Variants in EYS observed in about 807,000 individuals in gnomAD.
EYS encodes the protein EGF-like photoreceptor maintenance factor, also known as protein eyes shut homolog.
EYS carries 250 observed loss-of-function variants against 282.1 expected under a neutral mutation model. The observed-to-expected ratio is 0.89, with a 90% CI of 0.80 to 0.98. The LOEUF is 0.98. Ranked by LOEUF, EYS falls within the 50% of genes least tolerant of loss-of-function variation. EYS has a pLI of 0.00. For synonymous variants in EYS, 1,355 were observed against 1,282.9 expected, an observed-to-expected ratio of 1.06 and a Z score of -1.20; for missense variants, 4,016 against 3,709.0, an observed-to-expected ratio of 1.08 and a Z score of -2.15.
At chr6:64,149,419 T>C (rs1774627579) in intron 31 of EYS, among the ~76,000 whole-genome samples, 1 of 152,150 alleles carries the variant, frequency 6.6e-6, no homozygotes, top group South Asian at 2.1e-4. Flanking sequence ...GTCATGTATT[T>C]TATATAGAGC....
intron 12 of EYS, among the ~76,000 whole-genome samples, chr6:65,153,756 TA>T: frequency 6.6e-6 from 1 of 151,952 alleles, no homozygotes; most frequent in East Asian, 2.0e-4. Flanking sequence ...TGGATTTCTT[TA>T]AGCAGAATAT....
In EYS at chr6:65,537,531, T is replaced by A. The variant is rs199902274; in HGVS notation, c.-332-41538A>T. Among the ~76,000 whole-genome samples the A allele has an allele frequency of 4.5e-5, 4 of 88,890 alleles. No individual in the cohort carries two copies. In the South Asian group the frequency reaches 2.2e-3, roughly 49 times the overall value. 58.3% of individuals were successfully genotyped at this position (88,890 alleles called of 152,430 possible). A position where few individuals can be genotyped will look rare whatever the true frequency, so the allele number is the denominator to read the frequency against. On this transcript the variant is annotated intron_variant, in intron 2 of 42. Transcript: ENST00000503581. ...TATATATAACATGCACACACACACA[T>A]ATATTTATATATACAGAGAGAGAAA... is the stretch of plus-strand genomic sequence containing the variant.
At chr6:64,191,557 C>T (rs1006778322) in intron 31 of EYS, among the ~76,000 whole-genome samples, 4 of 151,456 alleles carry the variant, frequency 2.6e-5, no homozygotes, top group Non-Finnish European at 4.4e-5. Flanking sequence ...CAATTCCCAC[C>T]TATGGGTGAG....
chr6:63,724,331 G>T (rs1449968840), intron 42 of EYS, among the ~76,000 whole-genome samples: 5 of 152,094 alleles, frequency 3.3e-5, no homozygotes, highest in African/African-American at 1.2e-4. Flanking sequence ...TAATATTTGT[G>T]AAGAGACTAC....
intron 22 of EYS, among the ~76,000 whole-genome samples, chr6:64,657,607 C>T (rs1768797612): frequency 6.6e-6 from 1 of 152,092 alleles, no homozygotes; most frequent in African/African-American, 2.4e-5. Context: ...TTCTCCTTCA[C>T]TTATGAAGCT....
chr6:65,490,429 T>G (rs1261767734), intron 5 of EYS, 165 bp downstream of exon 5: 1 of 548,430 alleles, frequency 1.8e-6, no homozygotes, highest in Non-Finnish European at 3.3e-6. Context: ...TTTAATTGTA[T>G]TAACCAAATT....
chr6:64,015,903 G>A (rs1768868615), intron 33 of EYS, among the ~76,000 whole-genome samples: 1 of 152,212 alleles, frequency 6.6e-6, no homozygotes, highest in South Asian at 2.1e-4. Flanking sequence ...TAGAACACAA[G>A]CTGGGACTTC....
rs191509420 is a variant in EYS at position 64,603,238 on chromosome 6, G to A, written c.3685-9929C>T. Among the ~76,000 whole-genome samples, 237 of 151,980 alleles carry A rather than the reference G, an allele frequency of 1.6e-3. 1 individual carries two copies. The highest frequency in any genetic ancestry group is 2.7e-3 in the Non-Finnish European group (186 of 67,870). ...CCCATTTAGCTTTTCTTTTTCTTCT[G>A]TTTCCTCCTCTTCCCCCACTTCTAC... is the stretch of plus-strand genomic sequence containing the variant. On this transcript the variant is annotated intron_variant, in intron 24 of 42. Transcript: ENST00000503581.
chr6:64,797,103 A>G (rs540081527), intron 22 of EYS, among the ~76,000 whole-genome samples: 1 of 152,268 alleles, frequency 6.6e-6, no homozygotes, highest in South Asian at 2.1e-4. Flanking sequence ...AATCGGGTTA[A>G]TCAATATCAG....
At chr6:64,904,217 G>A (rs1357718019) in intron 16 of EYS, among the ~76,000 whole-genome samples, 1 of 152,140 alleles carries the variant, frequency 6.6e-6, no homozygotes, top group Non-Finnish European at 1.5e-5. Context: ...AGCAGACCAG[G>A]TAGTCTTCAG....
chr6:65,183,576 T>C (rs189790962), intron 12 of EYS, among the ~76,000 whole-genome samples: 32 of 152,066 alleles, frequency 2.1e-4, no homozygotes, highest in African/African-American at 6.3e-4. Context: ...CTTAATTACT[T>C]TATCAAATTT....
At chr6:63,783,953 T>C (rs536364815) in intron 39 of EYS, among the ~76,000 whole-genome samples, 6 of 152,262 alleles carry the variant, frequency 3.9e-5, no homozygotes, top group African/African-American at 1.2e-4. Flanking sequence ...CCCTCCCTAA[T>C]GTGGGTGGGC....
rs114852216 is a variant in EYS at position 65,424,603 on chromosome 6, G to A, written c.863-19236C>T. On this transcript the variant is annotated intron_variant, in intron 5 of 42. Transcript: ENST00000503581. ...CAAATCTAACTCATTTTACCAATCA[G>A]TACACAATTATATTTTTAAGAAGTG... Among the ~76,000 whole-genome samples, 981 of 152,042 alleles carry A rather than the reference G, an allele frequency of 6.5e-3. 16 individuals carry two copies. The highest frequency in any genetic ancestry group is 0.022 in the African/African-American group (915 of 41,484).
At chr6:65,334,146 T>G (rs2150312963) in intron 11 of EYS, among the ~76,000 whole-genome samples, 1 of 152,014 alleles carries the variant, frequency 6.6e-6, no homozygotes, top group South Asian at 2.1e-4. Flanking sequence ...CCTGCCATTT[T>G]ACTTTTTGTT....
chr6:64,635,723 T>C (rs1054426602), intron 22 of EYS, among the ~76,000 whole-genome samples: 1 of 152,200 alleles, frequency 6.6e-6, no homozygotes, highest in Admixed American at 6.5e-5. Flanking sequence ...GGATTCGGTT[T>C]GCCAGTATTT....
intron 31 of EYS, among the ~76,000 whole-genome samples, chr6:64,114,921 T>G (rs1161041307): frequency 6.6e-6 from 1 of 152,026 alleles, no homozygotes; most frequent in Non-Finnish European, 1.5e-5. Context: ...GGGACCTAGA[T>G]CCCCAGCTCC....
intron 12 of EYS, among the ~76,000 whole-genome samples, chr6:65,086,654 G>T (rs1390177107): frequency 2.0e-5 from 3 of 152,116 alleles, no homozygotes; most frequent in Admixed American, 6.5e-5. Context: ...GGTAAAACGA[G>T]TCAGTGGAAT....
At chr6:64,289,751 AAATGAATG>A (rs962598543) in intron 30 of EYS, among the ~76,000 whole-genome samples, 5 of 152,068 alleles carry the variant, frequency 3.3e-5, no homozygotes, top group African/African-American at 7.2e-5. Context: ...TACTGTGAAT[AAATGAATG>A]AATGAATGAA....
rs1157712956 is a variant in EYS, at chr6:64,802,017, C to CTTTTT, written c.3443+11356_3443+11360dup. 2.3e-3 allele frequency among the ~76,000 whole-genome samples: 130 copies of CTTTTT among 57,634 alleles called. 25 individuals are homozygous for CTTTTT. The highest frequency in any genetic ancestry group is 4.1e-3 in the East Asian group (8 of 1,942). The allele number at this position is 57,634 out of a possible 152,430, so 37.8% of individuals were successfully genotyped here. A position where few individuals can be genotyped will look rare whatever the true frequency, so the allele number is the denominator to read the frequency against. ...GTTATAAGAGAGTTATAACAAATTT[C>CTTTTT]TTTTTCTTTTTTTTTCTTTTTTTTT... On this transcript the variant is annotated intron_variant, in intron 22 of 42. Transcript: ENST00000503581.
Sources: gnomAD v4.1 joint callset for allele counts (sites outside exome capture counted in the v4.1 genomes callset) on GRCh38, gnomAD v4.1.1 for gene constraint, MANE v1.5 for transcripts, NCBI Gene and HGNC (gene_info 2026-07-23, HGNC 2026-07-21) for gene names.